The following IMMP1L variants were observed in gnomAD, a reference collection of about 807,000 sequenced individuals.
The protein encoded by IMMP1L is mitochondrial inner membrane protease subunit 1.
IMMP1L carries 24 observed loss-of-function variants against 21.8 expected under a neutral mutation model. The observed-to-expected ratio is 1.10, with a 90% CI of 0.80 to 1.55. The LOEUF is 1.55. Among genes scored for constraint, IMMP1L ranks in the 40% most tolerant of loss-of-function variants. IMMP1L has a pLI of 0.00. For missense variants in IMMP1L, 195 were observed against 200.7 expected (o/e 0.97, Z 0.17); for synonymous variants, 46 against 62.8 (o/e 0.73, Z 1.26).
chr11:31,464,382 C>T (rs1431344257), intron 1 of IMMP1L, among the ~76,000 whole-genome samples: 1 of 152,106 alleles, frequency 6.6e-6, no homozygotes, highest in East Asian at 1.9e-4. Context: ...AGAACCAACA[C>T]CAATTCTTCT....
intron 4 of IMMP1L, among the ~76,000 whole-genome samples, chr11:31,454,730 G>A (rs1953883390): frequency 6.6e-6 from 1 of 152,056 alleles, no homozygotes; most frequent in Admixed American, 6.5e-5. Flanking sequence ...TGATTACTTA[G>A]CAAAGACTTT....
intron 1 of IMMP1L, among the ~76,000 whole-genome samples, chr11:31,504,150 A>T (rs7928377): frequency 0.012 from 1,776 of 152,342 alleles, 22 homozygotes; most frequent in Non-Finnish European, 0.018. Flanking sequence ...AAACATGGAG[A>T]TCATCTTCGA....
chr11:31,482,434 G>A (rs1405091747), intron 1 of IMMP1L, among the ~76,000 whole-genome samples: 1 of 151,870 alleles, frequency 6.6e-6, no homozygotes, highest in Non-Finnish European at 1.5e-5. Flanking sequence ...CATAGAAGAA[G>A]AAATAGTTGC....
intron 4 of IMMP1L, among the ~76,000 whole-genome samples, chr11:31,443,765 T>G (rs538113586): frequency 6.6e-6 from 1 of 152,334 alleles, no homozygotes; most frequent in East Asian, 1.9e-4. Context: ...GAACTGTTAT[T>G]GCCCTTCCCT....
chr11:31,497,046 T>TTA lies in IMMP1L; in HGVS notation c.-30+12471_-30+12472dup, dbSNP rs202187225. On this transcript the variant is annotated intron_variant, in intron 1 of 5. Transcript: ENST00000532287. ...ACATGTTACATATATGTATTACATATTATATATATATACACACACAGATGG... is the reference window on the plus strand; with the variant it reads ...ACATGTTACATATATGTATTACATATTATATATATATATACACACACAGATGG... 1.6e-3 allele frequency among the ~76,000 whole-genome samples: 235 copies of TTA among 149,800 alleles called. 4 individuals are homozygous for TTA. Among genetic ancestry groups the TTA allele is most frequent in the East Asian group, 0.013 (66 of 5,140 alleles).
chr11:31,503,257 G>C (rs1409632034), intron 1 of IMMP1L, among the ~76,000 whole-genome samples: 1 of 152,054 alleles, frequency 6.6e-6, no homozygotes, highest in South Asian at 2.1e-4. Context: ...TAAGTTATAG[G>C]AGCAGCTAGT....
chr11:31,481,893 T>C (rs1409520812), intron 1 of IMMP1L, among the ~76,000 whole-genome samples: 2 of 152,094 alleles, frequency 1.3e-5, no homozygotes, highest in Non-Finnish European at 2.9e-5. Flanking sequence ...ACAGGGATTG[T>C]GTCTGTGAAT....
At chr11:31,453,030 G>C (rs950996594) in intron 4 of IMMP1L, 1 of 1,273,708 alleles carries the variant, frequency 7.9e-7, no homozygotes, top group African/African-American at 1.5e-5. Context: ...GGGATTACAG[G>C]CGTGAGCCAC....
At chr11:31,461,822 G>A (rs1271709650) in intron 2 of IMMP1L, among the ~76,000 whole-genome samples, 1 of 152,044 alleles carries the variant, frequency 6.6e-6, no homozygotes. Context: ...TCAGATAAGG[G>A]ATACTCAAAC....
intron 1 of IMMP1L, among the ~76,000 whole-genome samples, chr11:31,466,241 T>C (rs1272081648): frequency 6.6e-6 from 1 of 152,008 alleles, no homozygotes; most frequent in Non-Finnish European, 1.5e-5. Context: ...TTGATTATTA[T>C]CAAAAAAGAC....
chr11:31,473,197 C>G (rs2133717289), intron 1 of IMMP1L, among the ~76,000 whole-genome samples: 1 of 152,258 alleles, frequency 6.6e-6, no homozygotes, highest in South Asian at 2.1e-4. Context: ...CTACAGGCGC[C>G]TGCCACCACG....
At chr11:31,472,035 G>A (rs904242009) in intron 1 of IMMP1L, among the ~76,000 whole-genome samples, 1 of 151,918 alleles carries the variant, frequency 6.6e-6, no homozygotes, top group Non-Finnish European at 1.5e-5. Context: ...ATTATTCCAT[G>A]GTCACTTCTT....
At chr11:31,439,061 A>G (rs1265836347) in intron 4 of IMMP1L, among the ~76,000 whole-genome samples, 1 of 152,106 alleles carries the variant, frequency 6.6e-6, no homozygotes, top group African/African-American at 2.4e-5. Context: ...TGTATGTAAT[A>G]TATTTTTTCT....
intron 4 of IMMP1L, among the ~76,000 whole-genome samples, chr11:31,436,537 A>T (rs1050659424): frequency 2.0e-5 from 3 of 152,038 alleles, no homozygotes; most frequent in African/African-American, 7.2e-5. Context: ...GGTTTAAGCA[A>T]TTCTCCTGCC....
chr11:31,506,286 T>C (rs1335241528), intron 1 of IMMP1L, among the ~76,000 whole-genome samples: 4 of 141,598 alleles, frequency 2.8e-5, no homozygotes, highest in Non-Finnish European at 6.0e-5. Flanking sequence ...TGGAGTGCAG[T>C]GGCGCAATCT....
At chr11:31,474,157 T>C (rs907014346) in intron 1 of IMMP1L, among the ~76,000 whole-genome samples, 5 of 152,206 alleles carry the variant, frequency 3.3e-5, no homozygotes, top group African/African-American at 1.2e-4. Context: ...ACCTTGGAGA[T>C]GTTCAAAGTC....
chr11:31,459,697 A>T (rs1423400780), intron 3 of IMMP1L, among the ~76,000 whole-genome samples: 5 of 152,060 alleles, frequency 3.3e-5, no homozygotes, highest in Non-Finnish European at 5.9e-5. Flanking sequence ...TCCATCTCCC[A>T]GGTTCAAGCA....
chr11:31,490,340 C>T (rs758717199), intron 1 of IMMP1L, among the ~76,000 whole-genome samples: 17 of 151,782 alleles, frequency 1.1e-4, no homozygotes, highest in Admixed American at 3.3e-4. Flanking sequence ...GGCATCGTGG[C>T]GCGCGCCTGT....
chr11:31,465,447 C>T (rs552139114), intron 1 of IMMP1L, among the ~76,000 whole-genome samples: 1 of 151,908 alleles, frequency 6.6e-6, no homozygotes, highest in African/African-American at 2.4e-5. Context: ...AATTAGAAAA[C>T]AATCCTAAAA....
Sources: allele counts gnomAD v4.1 joint callset (sites outside exome capture counted in the v4.1 genomes callset), GRCh38; gene constraint gnomAD v4.1.1; transcripts MANE v1.5; gene names NCBI Gene and HGNC (gene_info 2026-07-23, HGNC 2026-07-21).